Variants in FBXO34 observed in about 807,000 individuals in gnomAD.
FBXO34 encodes the protein F-box only protein 34.
In FBXO34, 12 loss-of-function variants were observed where a neutral mutation model predicts 24.5. That is an observed-to-expected ratio of 0.49 (90% confidence interval 0.31 to 0.79). FBXO34 has a LOEUF of 0.79. Among genes scored for constraint, FBXO34 ranks in the 30% least tolerant of loss-of-function variants. The pLI is 0.04. For synonymous variants in FBXO34, 320 were observed against 311.9 expected (o/e 1.03, Z -0.27); for missense variants, 823 against 857.7 (o/e 0.96, Z 0.51).
At chr14:55,349,428 T>C (rs1884264744) in intron 1 of FBXO34, among the ~76,000 whole-genome samples, 1 of 152,080 alleles carries the variant, frequency 6.6e-6, no homozygotes. Flanking sequence ...ATAAGGACTG[T>C]AGGGTCTATA....
At chr14:55,314,236 G>C (rs996080285) in intron 1 of FBXO34, among the ~76,000 whole-genome samples, 2 of 151,784 alleles carry the variant, frequency 1.3e-5, no homozygotes, top group Admixed American at 6.6e-5. Context: ...TTAGTGTTGG[G>C]AATAATAAAG....
the FBXO34 span, chr14:55,414,420 C>T: frequency 1.9e-6 from 3 of 1,608,972 alleles, no homozygotes; most frequent in Non-Finnish European, 8.5e-7. Flanking sequence ...TAGATGTTTT[C>T]AAATGCTTCA....
chr14:55,387,097 A>G, the FBXO34 span, among the ~76,000 whole-genome samples: 1 of 151,932 alleles, frequency 6.6e-6, no homozygotes, highest in Non-Finnish European at 1.5e-5. Flanking sequence ...TATCTCCAAC[A>G]CGGCTCGACT....
chr14:55,337,031 A>G (rs111362744), intron 1 of FBXO34, among the ~76,000 whole-genome samples: 1,673 of 149,756 alleles, frequency 0.011, 12 homozygotes, highest in Middle Eastern at 0.028. Context: ...GCTAGAGTGC[A>G]ATGACACTAT....
chr14:55,338,936 CA>C (rs764269714), intron 1 of FBXO34, among the ~76,000 whole-genome samples: 2,005 of 148,964 alleles, frequency 0.013, 26 homozygotes, highest in East Asian at 0.045. Context: ...AAAAAAAAGC[CA>C]AAAAAAACCC....
chr14:55,443,031 A>AT, the FBXO34 span, among the ~76,000 whole-genome samples: 1 of 152,198 alleles, frequency 6.6e-6, no homozygotes, highest in Non-Finnish European at 1.5e-5. Context: ...AAGAAAATAA[A>AT]TTTCTGTTGT....
rs1305118770 is a variant in FBXO34, at chr14:55,352,372, G to A, written c.1982G>A (p.Gly661Glu). ...PKPYCQALPYGPGYWMCCHRS... is the reference protein window; with the variant it reads ...PKPYCQALPYEPGYWMCCHRS... The stretch of plus-strand genomic sequence containing the variant: ...CCCTATTGCCAGGCATTGCCCTATG[G>A]GCCAGGGTATTGGATGTGCTGCCAC... Residue 661 changes from glycine to glutamate, a missense_variant, in exon 2 of 2, where the codon GGG becomes GAG. This residue lies in a region of FBXO34 where 130 missense variants were observed against 198.6 expected (regional missense o/e 0.65). Transcript: ENST00000313833. 1 of 1,614,200 alleles carries A rather than the reference G, an allele frequency of 6.2e-7. No individual in the cohort carries two copies. Among genetic ancestry groups the A allele is most frequent in the Admixed American group, 1.7e-5 (1 of 60,024 alleles).
intron 1 of FBXO34, among the ~76,000 whole-genome samples, chr14:55,312,296 C>T (rs574071444): frequency 2.6e-5 from 4 of 152,330 alleles, no homozygotes; most frequent in South Asian, 2.1e-4. Flanking sequence ...GCTCCCATGG[C>T]CTTGGGCAGC....
At chr14:55,413,420 GTATTAC>G in the FBXO34 span, 1 of 176,276 alleles carries the variant, frequency 5.7e-6, no homozygotes, top group African/African-American at 2.4e-5. Flanking sequence ...GCATATTAAT[GTATTAC>G]TTAACAGCAG....
chr14:55,299,141 G>A (rs1882251473), intron 1 of FBXO34: 5 of 1,215,294 alleles, frequency 4.1e-6, no homozygotes, highest in Middle Eastern at 2.0e-4. Flanking sequence ...AACCAGACAA[G>A]AATTTGCTGG....
chr14:55,435,293 TTGGAGAC>T, the FBXO34 span, among the ~76,000 whole-genome samples: 15 of 152,030 alleles, frequency 9.9e-5, no homozygotes, highest in East Asian at 5.8e-4. Flanking sequence ...TTTTTTTTTT[TTGGAGAC>T]GGAGTCTCGC....
chr14:55,326,988 G>A (rs565724339), intron 1 of FBXO34, among the ~76,000 whole-genome samples: 3 of 152,258 alleles, frequency 2.0e-5, no homozygotes, highest in African/African-American at 7.2e-5. Context: ...AGATGATCTA[G>A]TGGAGAGAGA....
At chr14:55,408,368 T>A in the FBXO34 span, among the ~76,000 whole-genome samples, 1 of 152,094 alleles carries the variant, frequency 6.6e-6, no homozygotes, top group Non-Finnish European at 1.5e-5. Flanking sequence ...GACAGGAGAA[T>A]CGCTTGAGAA....
In FBXO34 at chr14:55,361,432, T is replaced by C. The variant is rs574131047; in HGVS notation, c.*589-301T>C. 2.1e-4 allele frequency among the ~76,000 whole-genome samples: 32 copies of C among 152,160 alleles called. 1 individual carries two copies. The South Asian group carries it at 3.1e-3, about 15-fold the overall frequency. ...TTCCATTTACAGAGCACAGGAAGAG[T>C]AGATTTAGCATAATTCTTAACAGGC... On this transcript the variant is annotated intron_variant and NMD_transcript_variant, in intron 3 of 3. Transcript: ENST00000555280.
chr14:55,395,659 A>T, the FBXO34 span, among the ~76,000 whole-genome samples: 1 of 152,198 alleles, frequency 6.6e-6, no homozygotes, highest in Non-Finnish European at 1.5e-5. Flanking sequence ...AGTGTGTATG[A>T]TAAATAATTT....
At chr14:55,402,953 AT>A in the FBXO34 span, among the ~76,000 whole-genome samples, 1,819 of 77,100 alleles carry the variant, frequency 0.024, 68 homozygotes, top group Non-Finnish European at 0.038. Context: ...ATATATATAT[AT>A]ATATATATAT....
intron 1 of FBXO34, among the ~76,000 whole-genome samples, chr14:55,296,404 T>G (rs1490994683): frequency 1.4e-5 from 2 of 138,072 alleles, no homozygotes; most frequent in East Asian, 2.1e-4. Flanking sequence ...TTTTTTTTTT[T>G]TTTTTTTTTT....
At chr14:55,296,027 C>T (rs886438448) in intron 1 of FBXO34, among the ~76,000 whole-genome samples, 7 of 152,182 alleles carry the variant, frequency 4.6e-5, no homozygotes, top group African/African-American at 1.7e-4. Context: ...GTGGCTTGCA[C>T]CTGTAATCCC....
At chr14:55,288,201 G>C (rs1003535745) in intron 1 of FBXO34, among the ~76,000 whole-genome samples, 29 of 152,072 alleles carry the variant, frequency 1.9e-4, no homozygotes, top group African/African-American at 7.0e-4. Flanking sequence ...CTTATGATGT[G>C]GTTAGTCATC....
Sources: allele counts gnomAD v4.1 joint callset (sites outside exome capture counted in the v4.1 genomes callset), GRCh38; gene constraint gnomAD v4.1.1; regional missense constraint gnomAD v4.1.1; transcripts MANE v1.5; gene names NCBI Gene and HGNC (gene_info 2026-07-23, HGNC 2026-07-21).